The following OSBPL9 variants were observed in gnomAD, a reference collection of about 807,000 sequenced individuals.
OSBPL9 encodes oxysterol-binding protein-related protein 9.
A neutral mutation model predicts 106.6 loss-of-function variants in OSBPL9; 40 were observed. That is an observed-to-expected ratio of 0.38 (90% confidence interval 0.29 to 0.49). OSBPL9 has a LOEUF of 0.49. OSBPL9 is among the 20% of genes least tolerant of loss of function. The probability of loss-of-function intolerance (pLI) is 0.97; values close to 1 mark genes in which losing one functional copy is unlikely to be tolerated. For synonymous variants in OSBPL9, 269 were observed against 295.4 expected, an observed-to-expected ratio of 0.91 and a Z score of 0.92; for missense variants, 609 against 887.2, an observed-to-expected ratio of 0.69 and a Z score of 3.98.
chr1:51,753,700 G>A (rs913039421), intron 8 of OSBPL9, among the ~76,000 whole-genome samples: 1 of 152,170 alleles, frequency 6.6e-6, no homozygotes, highest in Non-Finnish European at 1.5e-5. Flanking sequence ...GCGGCATGCT[G>A]TAAGTAAAAA....
the OSBPL9 span, among the ~76,000 whole-genome samples, chr1:51,549,790 G>A: frequency 6.6e-6 from 1 of 152,228 alleles, no homozygotes; most frequent in Non-Finnish European, 1.5e-5. Flanking sequence ...CTGAGATTGT[G>A]CCACTGCACT....
intron 3 of OSBPL9, among the ~76,000 whole-genome samples, chr1:51,710,657 G>A (rs988343472): frequency 2.0e-5 from 3 of 152,194 alleles, no homozygotes; most frequent in African/African-American, 7.2e-5. Flanking sequence ...TAAATTGACA[G>A]TTACTCTCTT....
chr1:51,779,868 G>A (rs545266320), intron 15 of OSBPL9, among the ~76,000 whole-genome samples: 1 of 152,248 alleles, frequency 6.6e-6, no homozygotes, highest in East Asian at 1.9e-4. Context: ...ACGAGGTCAG[G>A]AGAGTGAGAC....
chr1:51,781,187 A>G lies in OSBPL9; in HGVS notation c.1280A>G (p.Lys427Arg). Residue 427 changes from lysine to arginine, a missense_variant, in exon 16 of 24, where the codon AAG (lysine) becomes AGG (arginine). Transcript: ENST00000428468. The stretch of plus-strand genomic sequence containing the variant: ...AGCATTAGTGACCAGAAGGATCCCA[A>G]GGATCGAATGGTTCAGGTTGTGAAA... ...FVSISDQKDP[K>R]DRMVQVVKWY... 1.9e-6 allele frequency: 3 copies of G among 1,614,082 alleles called. No individual in the cohort carries two copies. The highest frequency in any genetic ancestry group is 2.5e-6 in the Non-Finnish European group (3 of 1,180,006).
At chr1:51,530,187 A>AAAAAC in the OSBPL9 span, among the ~76,000 whole-genome samples, 1 of 101,566 alleles carries the variant, frequency 9.8e-6, no homozygotes, top group Non-Finnish European at 2.0e-5. Context: ...AAAAAAAAAA[A>AAAAAC]AAAAACAAAA....
chr1:51,566,061 C>T, the OSBPL9 span: 1 of 152,194 alleles, frequency 6.6e-6, no homozygotes, highest in African/African-American at 2.4e-5. Context: ...GGTTCTAACG[C>T]ATGTATGCTT....
chr1:51,693,768 A>G (rs905458507), intron 3 of OSBPL9, among the ~76,000 whole-genome samples: 2 of 152,236 alleles, frequency 1.3e-5, no homozygotes, highest in Non-Finnish European at 1.5e-5. Context: ...AAAAATATAT[A>G]TACCATCTGA....
At chr1:51,703,457 G>A (rs1385846998) in intron 3 of OSBPL9, among the ~76,000 whole-genome samples, 3 of 152,308 alleles carry the variant, frequency 2.0e-5, no homozygotes, top group East Asian at 3.9e-4. Flanking sequence ...TGTTATTGGT[G>A]TATAAGAATG....
the OSBPL9 span, among the ~76,000 whole-genome samples, chr1:51,527,819 G>A: frequency 6.6e-6 from 1 of 151,994 alleles, no homozygotes; most frequent in East Asian, 1.9e-4. Flanking sequence ...TCATGTTATA[G>A]AAAGGTAACT....
chr1:51,692,615 TCTC>T (rs1195805412), intron 3 of OSBPL9, among the ~76,000 whole-genome samples: 68 of 150,564 alleles, frequency 4.5e-4, no homozygotes, highest in African/African-American at 1.6e-3. Flanking sequence ...CCTTTCTCTC[TCTC>T]CTTCCTTCCT....
chr1:51,696,707 C>A (rs372651814), intron 3 of OSBPL9, among the ~76,000 whole-genome samples: 2 of 152,192 alleles, frequency 1.3e-5, no homozygotes, highest in Non-Finnish European at 2.9e-5. Flanking sequence ...TTGAAACAGT[C>A]TAACAAAAAT....
chr1:51,540,821 G>C, the OSBPL9 span, among the ~76,000 whole-genome samples: 1 of 150,318 alleles, frequency 6.7e-6, no homozygotes, highest in Non-Finnish European at 1.5e-5. Context: ...TAGCCAGGTG[G>C]GGTGGTGGGC....
intron 1 of OSBPL9, among the ~76,000 whole-genome samples, chr1:51,636,215 T>C (rs1454919697): frequency 2.0e-5 from 3 of 148,802 alleles, no homozygotes; most frequent in Non-Finnish European, 3.0e-5. Context: ...GGCTGGAGTT[T>C]AGTGGCATGA....
chr1:51,649,152 GATGGAGTGCAGC>G (rs1378505522), intron 1 of OSBPL9, among the ~76,000 whole-genome samples: 1 of 151,984 alleles, frequency 6.6e-6, no homozygotes, highest in African/African-American at 2.4e-5. Flanking sequence ...TGTTTCCCAG[GATGGAGTGCAGC>G]AGTGCCATCT....
chr1:51,700,265 C>T (rs182916538), intron 3 of OSBPL9, among the ~76,000 whole-genome samples: 1 of 152,288 alleles, frequency 6.6e-6, no homozygotes, highest in East Asian at 1.9e-4. Flanking sequence ...TTTGGGCTCT[C>T]ATGCCCTGTG....
chr1:51,751,981 G>A (rs911843940), intron 8 of OSBPL9, among the ~76,000 whole-genome samples: 6 of 152,116 alleles, frequency 3.9e-5, no homozygotes, highest in African/African-American at 1.4e-4. Context: ...TTGTTGTTAA[G>A]TCTTCTTATG....
chr1:51,680,424 C>T (rs1410851594), intron 3 of OSBPL9, among the ~76,000 whole-genome samples: 1 of 151,506 alleles, frequency 6.6e-6, no homozygotes, highest in African/African-American at 2.4e-5. Context: ...AAGGCCAAGG[C>T]GGGGTAGATC....
chr1:51,601,454 A>G (rs1200462121), intron 2 of OSBPL9, among the ~76,000 whole-genome samples: 1 of 152,190 alleles, frequency 6.6e-6, no homozygotes, highest in African/African-American at 2.4e-5. Flanking sequence ...CAGTTATCCA[A>G]TCCTGCTCAG....
chr1:51,706,134 G>A (rs1658488399), intron 3 of OSBPL9, among the ~76,000 whole-genome samples: 1 of 152,158 alleles, frequency 6.6e-6, no homozygotes, highest in Non-Finnish European at 1.5e-5. Flanking sequence ...TTTTGTATTA[G>A]AGATTGGCAT....
Sources: gnomAD v4.1 joint callset for allele counts (sites outside exome capture counted in the v4.1 genomes callset) on GRCh38, gnomAD v4.1.1 for gene constraint, MANE v1.5 for transcripts, NCBI Gene and HGNC (gene_info 2026-07-23, HGNC 2026-07-21) for gene names.